Variants in TRAF3 observed in about 807,000 individuals in gnomAD.
The protein encoded by TRAF3 is TNF receptor-associated factor 3.
TRAF3 carries 13 observed loss-of-function variants against 62.3 expected under a neutral mutation model. The observed-to-expected ratio is 0.21, with a 90% CI of 0.14 to 0.33. The LOEUF (loss-of-function observed/expected upper bound fraction) is 0.33, where lower values mean the gene tolerates loss of function less well. Ranked by LOEUF, TRAF3 falls within the 10% of genes least tolerant of loss-of-function variation. TRAF3 has a pLI of 1.00. For synonymous variants in TRAF3, 269 were observed against 283.4 expected, an observed-to-expected ratio of 0.95 and a Z score of 0.51; for missense variants, 440 against 741.8, an observed-to-expected ratio of 0.59 and a Z score of 4.73.
intron 2 of TRAF3, among the ~76,000 whole-genome samples, chr14:102,860,646 C>T (rs761597479): frequency 6.6e-6 from 1 of 152,204 alleles, no homozygotes; most frequent in Non-Finnish European, 1.5e-5. Context: ...GGAGAATCAA[C>T]AAATGGCACA....
intron 1 of TRAF3, among the ~76,000 whole-genome samples, chr14:102,806,876 C>CT (rs1414865043): frequency 6.6e-6 from 1 of 152,146 alleles, no homozygotes; most frequent in Non-Finnish European, 1.5e-5. Flanking sequence ...ACTGGGGCCA[C>CT]TGGGTGTTAT....
chr14:102,840,070 A>G (rs1330391966), intron 2 of TRAF3, among the ~76,000 whole-genome samples: 1 of 152,112 alleles, frequency 6.6e-6, no homozygotes, highest in African/African-American at 2.4e-5. Context: ...TACGCCCCCC[A>G]ACCCAGGACT....
chr14:102,896,108 C>G (rs550482066), intron 9 of TRAF3, among the ~76,000 whole-genome samples: 1 of 152,168 alleles, frequency 6.6e-6, no homozygotes, highest in Non-Finnish European at 1.5e-5. Context: ...TATATACACA[C>G]ACACATTGCG....
At chr14:102,805,600 G>T (rs1898720374) in intron 1 of TRAF3, among the ~76,000 whole-genome samples, 1 of 152,194 alleles carries the variant, frequency 6.6e-6, no homozygotes. Flanking sequence ...GAGCAGTGAG[G>T]CACCAGGGAG....
chr14:102,859,939 C>T (rs1304779106), intron 2 of TRAF3, among the ~76,000 whole-genome samples: 1 of 152,164 alleles, frequency 6.6e-6, no homozygotes, highest in Non-Finnish European at 1.5e-5. Context: ...CTTGAGGGTC[C>T]CATTTTTATA....
At chr14:102,820,056 C>A (rs993339936) in intron 1 of TRAF3, among the ~76,000 whole-genome samples, 6 of 151,732 alleles carry the variant, frequency 4.0e-5, no homozygotes, top group Non-Finnish European at 8.8e-5. Flanking sequence ...TCACCACATG[C>A]GGGTGGTGAG....
At chr14:102,804,789 G>A (rs1483368942) in intron 1 of TRAF3, among the ~76,000 whole-genome samples, 1 of 152,112 alleles carries the variant, frequency 6.6e-6, no homozygotes, top group Non-Finnish European at 1.5e-5. Flanking sequence ...ACCTAACCCT[G>A]TTCTTGATAC....
chr14:102,871,252 G>A (rs1397214476), intron 3 of TRAF3, among the ~76,000 whole-genome samples: 1 of 152,202 alleles, frequency 6.6e-6, no homozygotes, highest in Non-Finnish European at 1.5e-5. Flanking sequence ...CCTTCTCCAT[G>A]CTTCCCTCTG....
chr14:102,849,709 T>C (rs1399323534), intron 2 of TRAF3, among the ~76,000 whole-genome samples: 1 of 152,174 alleles, frequency 6.6e-6, no homozygotes, highest in Non-Finnish European at 1.5e-5. Context: ...TTGCCCAGGA[T>C]GCTGACTGTG....
Position 102,897,289 on chromosome 14 carries a change from A to G in TRAF3, c.848A>G (p.Glu283Gly). The G allele has an allele frequency of 1.2e-6, 2 of 1,613,648 alleles. No homozygotes were observed. The highest frequency in any genetic ancestry group is 1.7e-6 in the Non-Finnish European group (2 of 1,179,768). The change falls in exon 10 of 12, where the codon GAA becomes GGA. Residue 283 changes from glutamate (E) to glycine (G), a missense_variant. Physicochemically the swap from Glu to Gly is moderately conservative, Grantham distance 98. Around this residue, in one of 6 missense-constraint regions of TRAF3, gnomAD observed 255 missense variants for 424.1 expected, o/e 0.60. Transcript: ENST00000392745. ...TCCTTGTTGCAGAATGAAAGTGTAGAAAAAAACAAGAGCATACAAAGTTTG... is the reference window on the plus strand; with the variant it reads ...TCCTTGTTGCAGAATGAAAGTGTAGGAAAAAACAAGAGCATACAAAGTTTG... Reference protein sequence around the residue: ...KVSLLQNESVEKNKSIQSLHN... With the variant: ...KVSLLQNESVGKNKSIQSLHN...
intron 1 of TRAF3, among the ~76,000 whole-genome samples, chr14:102,802,194 G>T (rs187035018): frequency 1.0e-4 from 11 of 106,270 alleles, no homozygotes; most frequent in Non-Finnish European, 1.5e-4. Flanking sequence ...TCTCTCTGTC[G>T]CCCAGGCTGG....
intron 1 of TRAF3, among the ~76,000 whole-genome samples, chr14:102,817,172 G>A (rs1329192508): frequency 6.6e-6 from 1 of 152,072 alleles, no homozygotes; most frequent in Non-Finnish European, 1.5e-5. Flanking sequence ...ATACAGGTCT[G>A]GGGGAATTAC....
chr14:102,820,275 T>G (rs1044443226), intron 1 of TRAF3, among the ~76,000 whole-genome samples: 15 of 151,952 alleles, frequency 9.9e-5, no homozygotes, highest in Admixed American at 2.0e-4. Flanking sequence ...TGCCCTTGGG[T>G]CTGGCTGCCC....
chr14:102,887,072 G>A (rs1889434441), intron 7 of TRAF3, among the ~76,000 whole-genome samples: 1 of 152,216 alleles, frequency 6.6e-6, no homozygotes, highest in South Asian at 2.1e-4. Context: ...CTCTTTCTTT[G>A]AGACAGGTAG....
intron 1 of TRAF3, among the ~76,000 whole-genome samples, chr14:102,813,245 G>T (rs530782807): frequency 4.4e-5 from 6 of 135,056 alleles, no homozygotes; most frequent in African/African-American, 1.3e-4. Flanking sequence ...AAAGTGCTGG[G>T]ATTACAGGTT....
chr14:102,856,605 A>T (rs1245998456), intron 2 of TRAF3, among the ~76,000 whole-genome samples: 1 of 152,066 alleles, frequency 6.6e-6, no homozygotes, highest in East Asian at 1.9e-4. Flanking sequence ...CTCCTGTCTC[A>T]TCCTGTGACT....
chr14:102,873,189 G>T (rs1387707636), intron 4 of TRAF3, among the ~76,000 whole-genome samples: 3 of 152,214 alleles, frequency 2.0e-5, no homozygotes, highest in Admixed American at 6.5e-5. Flanking sequence ...TTTGAGGATT[G>T]CTGGTAGTCA....
intron 1 of TRAF3, among the ~76,000 whole-genome samples, chr14:102,781,624 T>C (rs1310076953): frequency 2.0e-5 from 3 of 151,996 alleles, no homozygotes; most frequent in Non-Finnish European, 4.4e-5. Context: ...AATAAATTTA[T>C]TTATTTATTT....
intron 1 of TRAF3, among the ~76,000 whole-genome samples, chr14:102,798,194 C>T (rs1435518439): frequency 6.6e-6 from 1 of 151,932 alleles, no homozygotes; most frequent in African/African-American, 2.4e-5. Context: ...TTTAAGTGAG[C>T]ACTGACCAAA....
Sources: allele counts gnomAD v4.1 joint callset (sites outside exome capture counted in the v4.1 genomes callset), GRCh38; gene constraint gnomAD v4.1.1; regional missense constraint gnomAD v4.1.1; transcripts MANE v1.5; gene names NCBI Gene and HGNC (gene_info 2026-07-23, HGNC 2026-07-21).